The following FOXRED2 variants were observed in gnomAD, a reference collection of about 807,000 sequenced individuals.
The protein encoded by FOXRED2 is FAD dependent oxidoreductase domain containing 2.
Under a neutral mutation model 52.5 loss-of-function variants are expected in FOXRED2, and 32 were observed. That is an observed-to-expected ratio of 0.61 (90% CI 0.46 to 0.82). FOXRED2 has a LOEUF of 0.82. FOXRED2 is among the 40% of genes least tolerant of loss of function. FOXRED2 has a pLI of 0.00. For missense variants in FOXRED2, 848 were observed against 937.5 expected, an observed-to-expected ratio of 0.90 and a Z score of 1.25; for synonymous variants, 405 against 398.1, an observed-to-expected ratio of 1.02 and a Z score of -0.21.
At chr22:36,494,768 T>C (rs894851204) in intron 7 of FOXRED2, among the ~76,000 whole-genome samples, 1 of 151,522 alleles carries the variant, frequency 6.6e-6, no homozygotes, top group Non-Finnish European at 1.5e-5. Context: ...GCCTCCCTAG[T>C]AGCTGGGACT....
chr22:36,498,580 G>A lies in FOXRED2; in HGVS notation c.1217-424C>T, dbSNP rs566737865. Among the ~76,000 whole-genome samples the A allele has an allele frequency of 3.9e-5, 6 of 152,188 alleles. No homozygotes were observed. In the East Asian group the frequency reaches 9.7e-4, roughly 24 times the overall value. ...ACACAAGGAACGTCAAGTCCAACAC[G>A]GAGCCTTCCCCAGAAACCTCCCCCC... On this transcript the variant is annotated intron_variant, in intron 5 of 8. Coordinates refer to ENST00000397224, the MANE Select transcript of FOXRED2 (RefSeq NM_001102371.2).
chr22:36,493,827 A>G (rs907464245), intron 7 of FOXRED2, 24 bp from the exon 8 acceptor site: 1 of 1,610,046 alleles, frequency 6.2e-7, no homozygotes, highest in Non-Finnish European at 8.5e-7. Flanking sequence ...AGAGGGGGCC[A>G]TGTCAGAGCT....
At position 36,504,690 on chromosome 22, in the gene FOXRED2, C is replaced by G. The variant is rs749482571; in HGVS notation, c.604G>C (p.Glu202Gln). 1.9e-6 allele frequency: 3 copies of G among 1,614,058 alleles called. No individual in the cohort carries two copies. The South Asian group carries it at 3.3e-5, about 18-fold the overall frequency. ...TCCTCAGGGTCCACGGACACGGACT[C>G]GTAACCCTCTGCATATTCGGAGCCA... Reference protein sequence around the residue: ...FPGSEYAEGYESVSVDPEDFV... With the variant: ...FPGSEYAEGYQSVSVDPEDFV... The change falls in exon 3 of 9, where the codon GAG (glutamate) becomes CAG (glutamine). Residue 202 changes from glutamate (E) to glutamine (Q), a missense_variant. By Grantham distance (29) the Glu-to-Gln change is conservative. Coordinates refer to ENST00000397224, the MANE Select transcript of FOXRED2 (RefSeq NM_001102371.2).
At chr22:36,494,751 T>TAGTA (rs1310137591) in intron 7 of FOXRED2, among the ~76,000 whole-genome samples, 1 of 151,382 alleles carries the variant, frequency 6.6e-6, no homozygotes, top group Non-Finnish European at 1.5e-5. Context: ...GCGATTCTCC[T>TAGTA]GCCTCAGCCT....
Position 36,501,381 on chromosome 22 carries a change from G to C in FOXRED2, c.1076C>G (p.Ala359Gly). The C allele has an allele frequency of 1.2e-6, 2 of 1,614,126 alleles. No homozygotes were observed. The highest frequency in any genetic ancestry group is 1.7e-6 in the Non-Finnish European group (2 of 1,180,008). ...NKSLRLNSGN[A>G]FGKKYPLIRA... ...AATCAGCGGGTACTTCTTGCCGAAT[G>C]CATTTCCCGAGTTAAGTCTGAGGGA... The change falls in exon 5 of 9, where the codon GCA (alanine) becomes GGA (glycine). Residue 359 changes from alanine to glycine, a missense_variant. Coordinates refer to ENST00000397224, the MANE Select transcript of FOXRED2 (RefSeq NM_001102371.2).
rs976003425 is a variant in FOXRED2 at position 36,496,323 on chromosome 22, T to A, written c.1383-115A>T. ...TATCTCCCCCTCTAAGGAGCGTCAA[T>A]CAAGCAGCACACCCCTCACTTAACA... On this transcript the variant is annotated intron_variant, in intron 6 of 8. Coordinates refer to ENST00000397224, the MANE Select transcript of FOXRED2 (RefSeq NM_001102371.2). 5.4e-5 allele frequency: 69 copies of A among 1,285,954 alleles called. No homozygotes were observed. In the East Asian group the frequency reaches 1.6e-3, roughly 30 times the overall value. The allele number at this position is 1,285,954 out of a possible 1,614,324, so 79.7% of individuals were successfully genotyped here.
chr22:36,492,122 G>A (rs144359753), intron 8 of FOXRED2, among the ~76,000 whole-genome samples: 2 of 152,344 alleles, frequency 1.3e-5, no homozygotes, highest in East Asian at 3.9e-4. Context: ...GCCCCTGGGA[G>A]GCCAGGCCAT....
chr22:36,489,915 T>G lies in FOXRED2; in HGVS notation c.*93A>C, dbSNP rs1933703695. 7.7e-7 allele frequency: 1 copy of G among 1,305,804 alleles called. No individual in the cohort carries two copies. Among genetic ancestry groups the G allele is most frequent in the Non-Finnish European group, 1.0e-6 (1 of 965,932 alleles). 80.9% of individuals were successfully genotyped at this position (1,305,804 alleles called of 1,614,324 possible). A position where few individuals can be genotyped will look rare whatever the true frequency, so the allele number is the denominator to read the frequency against. On this transcript the variant is annotated 3_prime_UTR_variant, in exon 9 of 9. Transcript: ENST00000397224. ...TGAGTGGTCTTTGGCAATCACGCATTGGCGGGAGTGTGAGGTTGCGGGGAA... is the reference window on the plus strand; with the variant it reads ...TGAGTGGTCTTTGGCAATCACGCATGGGCGGGAGTGTGAGGTTGCGGGGAA...
rs1306366201 is a variant in FOXRED2, at chr22:36,487,390, G to A, written c.*2618C>T. On this transcript the variant is annotated 3_prime_UTR_variant, in exon 9 of 9. Coordinates refer to ENST00000397224, the MANE Select transcript of FOXRED2 (RefSeq NM_001102371.2). ...CTGACTGGCTATTTTAAAGAGAGCAGGGGTATAAGCCAGAGTGGTGGGGTG... is the reference window on the plus strand; with the variant it reads ...CTGACTGGCTATTTTAAAGAGAGCAAGGGTATAAGCCAGAGTGGTGGGGTG... 1 of 152,240 alleles carries A rather than the reference G, an allele frequency of 6.6e-6. No homozygotes were observed. Among genetic ancestry groups the A allele is most frequent in the Non-Finnish European group, 1.5e-5 (1 of 68,086 alleles). 9.4% of individuals were successfully genotyped at this position (152,240 alleles called of 1,614,324 possible). A position where few individuals can be genotyped will look rare whatever the true frequency, so the allele number is the denominator to read the frequency against.
Position 36,506,064 on chromosome 22 carries a change from G to GT in FOXRED2, c.358_359insA (p.Pro120HisfsTer12). 6.2e-7 allele frequency: 1 copy of GT among 1,614,276 alleles called. No homozygotes were observed. ...GTAGCGCACCATGTCGCGGGCGTCGGGGAAGTAGGCACGCGAGTAGTGTCT... is the reference window on the plus strand; with the variant it reads ...GTAGCGCACCATGTCGCGGGCGTCGGTGGAAGTAGGCACGCGAGTAGTGTCT... On this transcript the variant is annotated frameshift_variant, in exon 2 of 9. Transcript: ENST00000397224. LOFTEE classifies it high-confidence loss of function.
In FOXRED2 at chr22:36,498,057, C is replaced by T. The variant is rs200559723; in HGVS notation, c.1316G>A (p.Arg439His). 5.9e-5 allele frequency: 95 copies of T among 1,613,974 alleles called. No homozygotes were observed. Among genetic ancestry groups the T allele is most frequent in the South Asian group, 6.6e-5 (6 of 91,082 alleles). Residue 439 changes from arginine to histidine, a missense_variant, in exon 6 of 9, where the codon CGC becomes CAC. By Grantham distance (29) the Arg-to-His change is conservative. Transcript: ENST00000397224. The part of the protein sequence containing the change: ...ITQLTSSIVR[R>H]VNEASGLYQM... Reference sequence around the variant, plus strand: ...GTAGAGCCCAGAAGCCTCATTCACGCGCCGCACGATGGAGCTGGTCAGCTG... The same window carrying T: ...GTAGAGCCCAGAAGCCTCATTCACGTGCCGCACGATGGAGCTGGTCAGCTG...
chr22:36,504,640 G>C lies in FOXRED2; in HGVS notation c.654C>G (p.Ile218Met), dbSNP rs373581384. The change falls in exon 3 of 9, where the codon ATC becomes ATG. Residue 218 changes from isoleucine to methionine, a missense_variant. By Grantham distance (10) the Ile-to-Met change is conservative. Transcript: ENST00000397224. Reference sequence around the variant, plus strand: ...CAAAGGCCGAGTTCCCACGACCCAGGATCAGCACATTCTGGCCTACAAAGT... The same window carrying C: ...CAAAGGCCGAGTTCCCACGACCCAGCATCAGCACATTCTGGCCTACAAAGT... ...PEDFVGQNVL[I>M]LGRGNSAFET... is the part of the protein sequence containing the mutation. 6.8e-6 allele frequency: 11 copies of C among 1,614,138 alleles called. No homozygotes were observed. The South Asian group carries it at 9.9e-5, about 14-fold the overall frequency.
At position 36,506,276 on chromosome 22, in the gene FOXRED2, C is replaced by T; in HGVS notation, c.147G>A (p.Leu49=). ...GPAGLQMAYF[L]QRAGRDYAVF... ...CTGCGTAGTCGCGTCCAGCGCGCTG[C>T]AGGAAGTAGGCCATCTGCAGGCCCG... Residue 49 remains leucine (L), a synonymous_variant, in exon 2 of 9, where the codon CTG becomes CTA. Coordinates refer to ENST00000397224, the MANE Select transcript of FOXRED2 (RefSeq NM_001102371.2). The T allele has an allele frequency of 6.2e-7, 1 of 1,603,350 alleles. No individual in the cohort carries two copies. The highest frequency in any genetic ancestry group is 2.2e-5 in the East Asian group (1 of 44,630).
In FOXRED2 at chr22:36,493,785, C is replaced by A. The variant is rs201122263; in HGVS notation, c.1643G>T (p.Arg548Leu). 1 of 1,614,144 alleles carries A rather than the reference C, an allele frequency of 6.2e-7. No individual in the cohort carries two copies. Among genetic ancestry groups the A allele is most frequent in the East Asian group, 2.2e-5 (1 of 44,884 alleles). Residue 548 changes from arginine to leucine, a missense_variant, in exon 8 of 9, where the codon CGC becomes CTC. Physicochemically the swap from Arg to Leu is moderately radical, Grantham distance 102 (BLOSUM62 -2). Transcript: ENST00000397224. ...CCGAGGCAGGGGCCAGTGTGCAGGGCGGAACCTCACCTCCTGTTCTGTGGG... is the reference window on the plus strand; with the variant it reads ...CCGAGGCAGGGGCCAGTGTGCAGGGAGGAACCTCACCTCCTGTTCTGTGGG... ...YLPTEQEVRF[R>L]PAHWPLPRPT... is the part of the protein sequence containing the mutation.
intron 7 of FOXRED2, among the ~76,000 whole-genome samples, chr22:36,494,645 T>C (rs1933845849): frequency 1.3e-5 from 2 of 151,402 alleles, no homozygotes; most frequent in Admixed American, 1.3e-4. Context: ...GTGCCTCCTT[T>C]TTCTTTTTTT....
chr22:36,506,372 C>T lies in FOXRED2; in HGVS notation c.51G>A (p.Leu17=). 8 of 1,448,226 alleles carry T rather than the reference C, an allele frequency of 5.5e-6. No individual in the cohort carries two copies. Among genetic ancestry groups the T allele is most frequent in the Non-Finnish European group, 7.2e-6 (8 of 1,105,324 alleles). The allele number at this position is 1,448,226 out of a possible 1,614,324, so 89.7% of individuals were successfully genotyped here. ...APLWGPPGLL[L]AIALHPALSV... is the part of the protein sequence containing the mutation. ...ACAGCGCTGGGTGCAGGGCGATGGC[C>T]AGGAGCAGCCCCGGGGGACCCCACA... Residue 17 remains leucine (L), a synonymous_variant, in exon 2 of 9, where the codon CTG becomes CTA. Coordinates refer to ENST00000397224, the MANE Select transcript of FOXRED2 (RefSeq NM_001102371.2).
At position 36,501,270 on chromosome 22, in the gene FOXRED2, C is replaced by T. The variant is rs1934034499; in HGVS notation, c.1187G>A (p.Gly396Glu). 6.2e-7 allele frequency: 1 copy of T among 1,614,096 alleles called. No individual in the cohort carries two copies. Among genetic ancestry groups the T allele is most frequent in the Non-Finnish European group, 8.5e-7 (1 of 1,180,010 alleles). ...GTATCGGAATCCGTGGATGAAGCCC[C>T]CAGCAGATTTCCGGTAGTCCACCGA... Reference protein sequence around the residue: ...SHSVDYRKSAGGFIHGFRYTV... With the variant: ...SHSVDYRKSAEGFIHGFRYTV... The change falls in exon 5 of 9, where the codon GGG becomes GAG. Residue 396 changes from glycine to glutamate, a missense_variant. Transcript: ENST00000397224.
In FOXRED2 at chr22:36,495,998, A is replaced by G. The variant is rs769760581; in HGVS notation, c.1593T>C (p.Pro531=). ...EDAWQSNFLH[P]VIYYYRYLPT... ...GGAGGTATCTATAGTAGTAGATGAC[A>G]GGATGAAGAAAGTTAGACTGCCAGG... Residue 531 remains proline (P), a synonymous_variant, in exon 7 of 9, where the codon CCT becomes CCC. Coordinates refer to ENST00000397224, the MANE Select transcript of FOXRED2 (RefSeq NM_001102371.2). The G allele has an allele frequency of 8.1e-6, 13 of 1,614,242 alleles. No individual in the cohort carries two copies. The highest frequency in any genetic ancestry group is 1.1e-5 in the Non-Finnish European group (13 of 1,180,034).
rs1933658540 is a variant in FOXRED2 at position 36,488,317 on chromosome 22, G to A, written c.*1691C>T. 6.6e-6 allele frequency: 1 copy of A among 152,118 alleles called. No homozygotes were observed. Among genetic ancestry groups the A allele is most frequent in the Non-Finnish European group, 1.5e-5 (1 of 68,062 alleles). The allele number at this position is 152,118 out of a possible 1,614,324, so 9.4% of individuals were successfully genotyped here. On this transcript the variant is annotated 3_prime_UTR_variant, in exon 9 of 9. Coordinates refer to ENST00000397224, the MANE Select transcript of FOXRED2 (RefSeq NM_001102371.2). ...TTTGTCACCTAGGCTGGAGTACAGT[G>A]GCTCGGTCTCTGCTCACTGCAACCT...
Sources: gnomAD v4.1 joint callset for allele counts (sites outside exome capture counted in the v4.1 genomes callset) on GRCh38, gnomAD v4.1.1 for gene constraint, MANE v1.5 for transcripts, NCBI Gene and HGNC (gene_info 2026-07-23, HGNC 2026-07-21) for gene names.